Variants in NTM observed in about 807,000 individuals in gnomAD.
The protein encoded by NTM is IgLON family member 2.
NTM carries 13 observed loss-of-function variants against 42.1 expected under a neutral mutation model. That is an observed-to-expected ratio of 0.31 (90% confidence interval 0.20 to 0.49). The LOEUF is 0.49. Ranked by LOEUF, NTM falls within the 20% of genes least tolerant of loss-of-function variation. The pLI is 0.99. For synonymous variants in NTM, 187 were observed against 179.2 expected (o/e 1.04, Z -0.35); for missense variants, 373 against 452.8 (o/e 0.82, Z 1.60).
At chr11:132,254,520 C>T (rs1301656930) in intron 4 of NTM, among the ~76,000 whole-genome samples, 1 of 152,056 alleles carries the variant, frequency 6.6e-6, no homozygotes, top group Non-Finnish European at 1.5e-5. Flanking sequence ...TGTGCTCCGC[C>T]GTGGCATTGT....
At chr11:132,165,775 C>G (rs1176882283) in intron 3 of NTM, among the ~76,000 whole-genome samples, 2 of 152,184 alleles carry the variant, frequency 1.3e-5, no homozygotes, top group Admixed American at 1.3e-4. Flanking sequence ...AAAAGCATCC[C>G]TCTGCTAAGT....
rs531918510 is a variant in NTM, at chr11:132,060,257, A to G, written c.168-86025A>G. ...TTCAACACTTAAGTGTCTTATTACA[A>G]GTCTCTTTCCTGTTTAGGGAACGGG... On this transcript the variant is annotated intron_variant, in intron 2 of 8. Transcript: ENST00000683400. Among the ~76,000 whole-genome samples the G allele has an allele frequency of 2.3e-3, 349 of 152,344 alleles. 3 individuals are homozygous for G. The highest frequency in any genetic ancestry group is 8.2e-3 in the African/African-American group (341 of 41,582).
chr11:131,739,141 T>G (rs2080858438), intron 1 of NTM, among the ~76,000 whole-genome samples: 1 of 152,056 alleles, frequency 6.6e-6, no homozygotes, highest in Admixed American at 6.6e-5. Flanking sequence ...GGAGGAAAAG[T>G]GTTACCCTCT....
chr11:131,789,491 A>ATGGGCCGG (rs2090093672), intron 1 of NTM, among the ~76,000 whole-genome samples: 1 of 4,324 alleles, frequency 2.3e-4, no homozygotes, highest in African/African-American at 9.3e-4. Flanking sequence ...GAAGAAGAAG[A>ATGGGCCGG]GGAAAGAAGA....
chr11:131,432,018 A>G (rs965069027), intron 1 of NTM, among the ~76,000 whole-genome samples: 1 of 151,814 alleles, frequency 6.6e-6, no homozygotes, highest in Non-Finnish European at 1.5e-5. Flanking sequence ...ATGAATGAAA[A>G]CAATATTTAA....
chr11:131,441,161 C>T (rs1949595278), intron 1 of NTM, among the ~76,000 whole-genome samples: 1 of 152,178 alleles, frequency 6.6e-6, no homozygotes, highest in African/African-American at 2.4e-5. Flanking sequence ...AAGCCATTGT[C>T]TTTCTTTCCT....
chr11:131,698,582 A>G (rs1247854796), intron 1 of NTM, among the ~76,000 whole-genome samples: 1 of 152,204 alleles, frequency 6.6e-6, no homozygotes, highest in African/African-American at 2.4e-5. Flanking sequence ...TTGGAAAAAA[A>G]AAGTCCTAAA....
intron 3 of NTM, among the ~76,000 whole-genome samples, chr11:132,202,024 C>G (rs759441668): frequency 6.6e-6 from 1 of 152,212 alleles, no homozygotes; most frequent in Non-Finnish European, 1.5e-5. Flanking sequence ...GTTTTTACTT[C>G]TGTTCTCTTC....
chr11:131,873,726 A>G (rs1002596998), intron 1 of NTM, among the ~76,000 whole-genome samples: 2 of 143,736 alleles, frequency 1.4e-5, no homozygotes, highest in African/African-American at 2.6e-5. Flanking sequence ...CACACTTTTA[A>G]TGTATATATA....
intron 1 of NTM, among the ~76,000 whole-genome samples, chr11:131,441,153 G>A (rs1949594554): frequency 6.6e-6 from 1 of 152,176 alleles, no homozygotes; most frequent in Non-Finnish European, 1.5e-5. Flanking sequence ...TTGATTGCAA[G>A]CCATTGTCTT....
intron 1 of NTM, among the ~76,000 whole-genome samples, chr11:131,812,149 T>C (rs1279906321): frequency 1.3e-5 from 2 of 150,818 alleles, no homozygotes; most frequent in East Asian, 3.9e-4. Flanking sequence ...CTTGTGTTTT[T>C]TCTCTACCCT....
chr11:132,336,754 G>C lies in NTM; in HGVS notation c.*1608G>C, dbSNP rs1325186529. 1 of 147,358 alleles carries C rather than the reference G, an allele frequency of 6.8e-6. No homozygotes were observed. The highest frequency in any genetic ancestry group is 1.5e-5 in the Non-Finnish European group (1 of 66,740). The allele number at this position is 147,358 out of a possible 1,614,324, so 9.1% of individuals were successfully genotyped here. A position where few individuals can be genotyped will look rare whatever the true frequency, so the allele number is the denominator to read the frequency against. On this transcript the variant is annotated 3_prime_UTR_variant, in exon 9 of 9. Transcript: ENST00000683400. The stretch of plus-strand genomic sequence containing the variant: ...TCCTGGATGTGATGAGGGAAAGGGG[G>C]ATTGGGGGATCCGGGAGGGTGGGGT...
chr11:131,579,647 G>C lies in NTM; in HGVS notation c.82+208759G>C, dbSNP rs560315982. On this transcript the variant is annotated intron_variant, in intron 1 of 8. Coordinates refer to ENST00000683400, the MANE Select transcript of NTM (RefSeq NM_001352005.2). ...GCTATCTTCTGAAGGAAGAGTGGTT[G>C]ATCCTTGCTCATTTTGCTGCCAAGG... 6.7e-4 allele frequency among the ~76,000 whole-genome samples: 101 copies of C among 150,290 alleles called. 1 individual carries two copies. The highest frequency in any genetic ancestry group is 2.5e-3 in the African/African-American group (98 of 39,682).
chr11:131,617,528 T>C (rs1046236232), intron 1 of NTM, among the ~76,000 whole-genome samples: 2 of 152,154 alleles, frequency 1.3e-5, no homozygotes, highest in African/African-American at 4.8e-5. Context: ...CCCTCGTGAC[T>C]GCCTGTGCTC....
intron 1 of NTM, among the ~76,000 whole-genome samples, chr11:131,450,908 C>CA (rs1409744618): frequency 1.1e-4 from 17 of 151,920 alleles, no homozygotes; most frequent in African/African-American, 2.9e-4. Flanking sequence ...AATAAATAAA[C>CA]CTTTTTTTTT....
At chr11:132,122,321 G>A (rs758926827) in intron 2 of NTM, among the ~76,000 whole-genome samples, 23 of 152,176 alleles carry the variant, frequency 1.5e-4, no homozygotes, top group Non-Finnish European at 2.5e-4. Flanking sequence ...AGGGGTAGAC[G>A]TGGATTTTCC....
chr11:132,104,625 T>TAAG (rs1566170643), intron 2 of NTM, among the ~76,000 whole-genome samples: 1 of 145,792 alleles, frequency 6.9e-6, no homozygotes, highest in South Asian at 2.2e-4. Context: ...ATCATAATAA[T>TAAG]AATAATGGGT....
At chr11:132,113,676 G>C (rs1370935139) in intron 2 of NTM, among the ~76,000 whole-genome samples, 2 of 152,168 alleles carry the variant, frequency 1.3e-5, no homozygotes, top group Non-Finnish European at 2.9e-5. Flanking sequence ...TTCTTGGGTT[G>C]TCAATGAAGC....
intron 1 of NTM, chr11:131,911,184 G>C (rs1274285257): frequency 1.5e-6 from 2 of 1,350,046 alleles, no homozygotes; most frequent in South Asian, 3.2e-5. Context: ...CCTTTCACCT[G>C]CCGCGCGCTT....
Sources: allele counts gnomAD v4.1 joint callset (sites outside exome capture counted in the v4.1 genomes callset), GRCh38; gene constraint gnomAD v4.1.1; transcripts MANE v1.5; gene names NCBI Gene and HGNC (gene_info 2026-07-23, HGNC 2026-07-21).